The following SYDE2 variants were observed in gnomAD, a reference collection of about 807,000 sequenced individuals.
SYDE2 encodes the protein rho GTPase-activating protein SYDE2.
A neutral mutation model predicts 91.5 loss-of-function variants in SYDE2; 76 were observed. The observed-to-expected ratio is 0.83, with a 90% confidence interval of 0.69 to 1.01. The LOEUF is 1.01. SYDE2 is among the 50% of genes least tolerant of loss of function. The pLI, the probability that SYDE2 is intolerant of heterozygous loss-of-function variation, is 0.00. For synonymous variants in SYDE2, 513 were observed against 506.4 expected (o/e 1.01, Z -0.18); for missense variants, 1,364 against 1,367.7 (o/e 1.00, Z 0.04).
At chr1:85,179,724 A>T (rs528015452) in intron 3 of SYDE2, among the ~76,000 whole-genome samples, 1 of 152,326 alleles carries the variant, frequency 6.6e-6, no homozygotes, top group East Asian at 1.9e-4. Flanking sequence ...ACAGGATCAA[A>T]GGAAATGCTA....
chr1:85,165,700 A>G (rs1015691888), intron 5 of SYDE2, among the ~76,000 whole-genome samples: 1 of 151,742 alleles, frequency 6.6e-6, no homozygotes, highest in Admixed American at 6.6e-5. Context: ...TAAAGAAACT[A>G]GTAAGGGGAG....
chr1:85,192,181 A>G (rs1237783681), intron 1 of SYDE2, among the ~76,000 whole-genome samples: 1 of 152,164 alleles, frequency 6.6e-6, no homozygotes, highest in Non-Finnish European at 1.5e-5. Context: ...CTTCTACTGA[A>G]AAGAAAATCC....
In SYDE2 at chr1:85,179,895, T is replaced by C. The variant is rs571529052; in HGVS notation, c.2545-1623A>G. The stretch of plus-strand genomic sequence containing the variant: ...ACTTAACTAGTACACAATAAATTAA[T>C]GGGATATTTTACCCCCAAAAGTTGA... On this transcript the variant is annotated intron_variant, in intron 3 of 6. Transcript: ENST00000341460. 3.7e-4 allele frequency among the ~76,000 whole-genome samples: 56 copies of C among 152,232 alleles called. No homozygotes were observed. In the South Asian group the frequency reaches 0.011, roughly 31 times the overall value.
At chr1:85,169,334 A>C in intron 4 of SYDE2, 109 bp from the exon 5 acceptor site, 2 of 747,896 alleles carry the variant, frequency 2.7e-6, no homozygotes, top group South Asian at 4.6e-5. Context: ...CAACATTTTG[A>C]AAACAATAAA....
At chr1:85,161,739 A>G (rs1017612834) in intron 6 of SYDE2, among the ~76,000 whole-genome samples, 23 of 152,004 alleles carry the variant, frequency 1.5e-4, no homozygotes, top group African/African-American at 4.8e-4. Context: ...AAAAAAAAAA[A>G]AAAGAAAGAA....
At position 85,196,298 on chromosome 1, in the gene SYDE2, C is replaced by T. The variant is rs371848881; in HGVS notation, c.745+3954G>A. ...TTCAAAAGTACGGTACACCAGACAG[C>T]AGCATCTACACTGGGAGCAGAATCT... On this transcript the variant is annotated intron_variant, in intron 1 of 6. Transcript: ENST00000341460. Among the ~76,000 whole-genome samples, 397 of 152,182 alleles carry T rather than the reference C, an allele frequency of 2.6e-3. 2 individuals carry two copies. Among genetic ancestry groups the T allele is most frequent in the African/African-American group, 9.1e-3 (379 of 41,516 alleles).
chr1:85,152,977 T>TC (rs1321798871), downstream of SYDE2: 1 of 152,188 alleles, frequency 6.6e-6, no homozygotes, highest in Admixed American at 6.5e-5. Flanking sequence ...CCCAGAAATC[T>TC]CCATCTGCTT....
downstream of SYDE2, among the ~76,000 whole-genome samples, chr1:85,154,879 A>G (rs1656841760): frequency 2.0e-5 from 3 of 152,032 alleles, no homozygotes; most frequent in South Asian, 6.2e-4. Flanking sequence ...AAGTGTGAGG[A>G]AAAAATAAAG....
At chr1:85,166,037 T>C (rs905709026) in intron 5 of SYDE2, among the ~76,000 whole-genome samples, 2 of 151,924 alleles carry the variant, frequency 1.3e-5, no homozygotes, top group East Asian at 3.9e-4. Context: ...CCATACCCAC[T>C]AATTTTTAAA....
At chr1:85,195,086 C>G (rs562872830) in intron 1 of SYDE2, among the ~76,000 whole-genome samples, 3 of 151,086 alleles carry the variant, frequency 2.0e-5, no homozygotes, top group Admixed American at 1.3e-4. Context: ...CGTGAACCCG[C>G]GAGGCAGAGC....
chr1:85,179,510 G>A (rs1487996224), intron 3 of SYDE2, among the ~76,000 whole-genome samples: 2 of 152,136 alleles, frequency 1.3e-5, no homozygotes, highest in Non-Finnish European at 2.9e-5. Flanking sequence ...TTTCCAAGAG[G>A]TGATAATGCA....
Position 85,196,711 on chromosome 1 carries a change from C to T in SYDE2, c.745+3541G>A, listed in dbSNP as rs563663274. On this transcript the variant is annotated intron_variant, in intron 1 of 6. Coordinates refer to ENST00000341460, the MANE Select transcript of SYDE2 (RefSeq NM_032184.2). Reference sequence around the variant, plus strand: ...ACTGTCAAAAACTATATAACTATTGCTACTCACCTTGAAAAGGGCAAATAC... The same window carrying T: ...ACTGTCAAAAACTATATAACTATTGTTACTCACCTTGAAAAGGGCAAATAC... Among the ~76,000 whole-genome samples, 4 of 151,796 alleles carry T rather than the reference C, an allele frequency of 2.6e-5. No individual in the cohort carries two copies. In the South Asian group the frequency reaches 6.2e-4, roughly 24 times the overall value.
intron 4 of SYDE2, among the ~76,000 whole-genome samples, chr1:85,169,980 G>A (rs1657442981): frequency 6.6e-6 from 1 of 152,002 alleles, no homozygotes; most frequent in Non-Finnish European, 1.5e-5. Context: ...GCTAAAGGCT[G>A]GCATGTGATC....
intron 1 of SYDE2, among the ~76,000 whole-genome samples, chr1:85,192,333 A>T (rs934344449): frequency 6.6e-6 from 1 of 152,178 alleles, no homozygotes; most frequent in East Asian, 1.9e-4. Flanking sequence ...GCCTGAGCCC[A>T]GGAATGTGAG....
downstream of SYDE2, among the ~76,000 whole-genome samples, chr1:85,156,391 AAAAAAGAAAAG>A (rs1170617189): frequency 6.6e-6 from 1 of 152,026 alleles, no homozygotes; most frequent in Non-Finnish European, 1.5e-5. Context: ...TATTAAAAAA[AAAAAAGAAAAG>A]AAAAAGAAAA....
chr1:85,173,718 A>C (rs949689308), intron 4 of SYDE2, among the ~76,000 whole-genome samples: 1 of 152,244 alleles, frequency 6.6e-6, no homozygotes, highest in Admixed American at 6.5e-5. Context: ...TACGAGGCAT[A>C]TAAAGGAGGA....
chr1:85,192,636 G>A (rs541267512), intron 1 of SYDE2, among the ~76,000 whole-genome samples: 1 of 152,178 alleles, frequency 6.6e-6, no homozygotes, highest in South Asian at 2.1e-4. Context: ...ACTATTATGT[G>A]GCAGGCATGA....
chr1:85,165,727 A>G (rs1215284371), intron 5 of SYDE2, among the ~76,000 whole-genome samples: 2 of 151,838 alleles, frequency 1.3e-5, no homozygotes, highest in Non-Finnish European at 2.9e-5. Context: ...CAAAAAGTGG[A>G]ATGGTTATTT....
At chr1:85,164,832 C>T in intron 5 of SYDE2, 75 bp from the exon 6 acceptor site, 1 of 843,538 alleles carries the variant, frequency 1.2e-6, no homozygotes, top group African/African-American at 1.8e-5. Context: ...GCAGGAAATA[C>T]AGATAAGCAT....
Sources: gnomAD v4.1 joint callset for allele counts (sites outside exome capture counted in the v4.1 genomes callset) on GRCh38, gnomAD v4.1.1 for gene constraint, MANE v1.5 for transcripts, NCBI Gene and HGNC (gene_info 2026-07-23, HGNC 2026-07-21) for gene names.